The following CTXND2 variants were observed in gnomAD, a reference collection of about 807,000 sequenced individuals.
CTXND2 encodes cortexin domain containing 2.
intron 1 of CTXND2, among the ~76,000 whole-genome samples, chr1:150,908,063 T>TG (rs902208049): frequency 1.3e-5 from 2 of 148,312 alleles, no homozygotes; most frequent in Admixed American, 6.9e-5. Context: ...GGCTGGAGTA[T>TG]GGTGGCATGA....
intron 1 of CTXND2, among the ~76,000 whole-genome samples, chr1:150,897,328 T>C (rs756508921): frequency 1.3e-5 from 2 of 152,128 alleles, no homozygotes; most frequent in Non-Finnish European, 2.9e-5. Context: ...ATGTGAGAAA[T>C]ATTTTGGAAA....
At chr1:150,890,265 A>C (rs1668830247) in intron 1 of CTXND2, among the ~76,000 whole-genome samples, 1 of 149,780 alleles carries the variant, frequency 6.7e-6, no homozygotes, top group African/African-American at 2.4e-5. Flanking sequence ...TGTATGGAAA[A>C]GATATGTGTT....
At chr1:150,891,010 C>T (rs1181609183) in intron 1 of CTXND2, among the ~76,000 whole-genome samples, 1 of 152,048 alleles carries the variant, frequency 6.6e-6, no homozygotes, top group African/African-American at 2.4e-5. Context: ...GTTTATTAAT[C>T]GATGAAGGTT....
chr1:150,906,739 A>G (rs987079940), intron 1 of CTXND2, among the ~76,000 whole-genome samples: 1 of 152,188 alleles, frequency 6.6e-6, no homozygotes, highest in African/African-American at 2.4e-5. Flanking sequence ...AACCCATCAC[A>G]GTCTGGCCAC....
At chr1:150,899,305 T>C in intron 1 of CTXND2, among the ~76,000 whole-genome samples, 1 of 151,706 alleles carries the variant, frequency 6.6e-6, no homozygotes, top group Non-Finnish European at 1.5e-5. Context: ...CCAGGCATAT[T>C]ATGCCTATAG....
intron 1 of CTXND2, among the ~76,000 whole-genome samples, chr1:150,890,494 T>TTTTATTTATTTA (rs587751897): frequency 6.6e-6 from 1 of 152,026 alleles, no homozygotes; most frequent in East Asian, 1.9e-4. Context: ...CAATGTGAGA[T>TTTTATTTATTTA]TTTATTTATT....
intron 1 of CTXND2, among the ~76,000 whole-genome samples, chr1:150,889,685 CT>C (rs1373264617): frequency 6.6e-6 from 1 of 152,068 alleles, no homozygotes; most frequent in Non-Finnish European, 1.5e-5. Flanking sequence ...AGCTCCAATA[CT>C]TTTTACGCAC....
At chr1:150,888,901 G>T (rs1037617760) in intron 1 of CTXND2, among the ~76,000 whole-genome samples, 3 of 151,610 alleles carry the variant, frequency 2.0e-5, no homozygotes, top group African/African-American at 7.3e-5. Flanking sequence ...ATGGGGTCTT[G>T]CTATGTTGCC....
intron 1 of CTXND2, among the ~76,000 whole-genome samples, chr1:150,903,323 C>T (rs1293220748): frequency 2.0e-5 from 3 of 152,072 alleles, no homozygotes; most frequent in Non-Finnish European, 4.4e-5. Context: ...TGATTTGTCC[C>T]TCCCGCTTCC....
At chr1:150,902,598 G>A (rs587722460) in intron 1 of CTXND2, among the ~76,000 whole-genome samples, 149 of 152,168 alleles carry the variant, frequency 9.8e-4, no homozygotes, top group African/African-American at 3.4e-3. Context: ...GGAATGGGTG[G>A]CAAGGATGAG....
chr1:150,896,148 G>T (rs768703646), intron 1 of CTXND2, among the ~76,000 whole-genome samples: 1 of 152,184 alleles, frequency 6.6e-6, no homozygotes, highest in Non-Finnish European at 1.5e-5. Context: ...TGATAGGTAG[G>T]GGGAATATGT....
chr1:150,910,133 CTTTTT>C (rs1338323220), intron 1 of CTXND2, among the ~76,000 whole-genome samples: 5 of 119,136 alleles, frequency 4.2e-5, no homozygotes, highest in African/African-American at 1.6e-4. Context: ...TTTTTTTTTT[CTTTTT>C]TTTTTTTTTT....
chr1:150,895,414 G>A (rs762437775), intron 1 of CTXND2, among the ~76,000 whole-genome samples: 57 of 151,882 alleles, frequency 3.8e-4, no homozygotes, highest in Non-Finnish European at 7.5e-4. Context: ...CGCGATCTCA[G>A]CTCACTGCAA....
chr1:150,908,756 A>G (rs905949476), intron 1 of CTXND2, among the ~76,000 whole-genome samples: 3 of 151,350 alleles, frequency 2.0e-5, no homozygotes, highest in Non-Finnish European at 4.4e-5. Context: ...TCCAGTAGCT[A>G]GGACCACACA....
chr1:150,907,670 G>A (rs1669173097), intron 1 of CTXND2, among the ~76,000 whole-genome samples: 1 of 149,566 alleles, frequency 6.7e-6, no homozygotes, highest in Non-Finnish European at 1.5e-5. Flanking sequence ...CCTGGGGACA[G>A]CCATAGGAGT....
intron 1 of CTXND2, among the ~76,000 whole-genome samples, chr1:150,905,731 C>A (rs1669131792): frequency 6.6e-6 from 1 of 152,114 alleles, no homozygotes; most frequent in South Asian, 2.1e-4. Context: ...TGGCTCACGC[C>A]TGTAATCCCA....
intron 1 of CTXND2, among the ~76,000 whole-genome samples, chr1:150,902,862 C>G (rs587616514): frequency 1.3e-5 from 2 of 151,956 alleles, no homozygotes; most frequent in African/African-American, 4.8e-5. Flanking sequence ...GGTATTTTCC[C>G]TCTGTACACC....
chr1:150,887,655 A>G (rs1668791487), intron 1 of CTXND2, among the ~76,000 whole-genome samples: 1 of 152,174 alleles, frequency 6.6e-6, no homozygotes, highest in South Asian at 2.1e-4. Context: ...ACCTCTGATT[A>G]GTCCTATTAG....
chr1:150,889,185 G>A (rs1668813116), intron 1 of CTXND2, among the ~76,000 whole-genome samples: 2 of 151,926 alleles, frequency 1.3e-5, no homozygotes, highest in African/African-American at 4.8e-5. Context: ...CGAAGCGGGC[G>A]GATCACGAGG....
Sources: gnomAD v4.1 joint callset for allele counts (sites outside exome capture counted in the v4.1 genomes callset) on GRCh38, gnomAD v4.1.1 for gene constraint, MANE v1.5 for transcripts, NCBI Gene and HGNC (gene_info 2026-07-23, HGNC 2026-07-21) for gene names.